EMSY: variants seen among roughly 807,000 people sequenced by gnomAD.
EMSY encodes EMSY transcriptional repressor, BRCA2 interacting, also known as BRCA2-interacting transcriptional repressor EMSY.
In EMSY, 26 loss-of-function variants were observed where a neutral mutation model predicts 134.6. The observed-to-expected ratio is 0.19, with a 90% CI of 0.14 to 0.27. The LOEUF (loss-of-function observed/expected upper bound fraction) is 0.27, where lower values mean the gene tolerates loss of function less well. Among genes scored for constraint, EMSY ranks in the 10% least tolerant of loss-of-function variants. EMSY has a pLI of 1.00. For synonymous variants in EMSY, 579 were observed against 577.8 expected (o/e 1.00, Z -0.03); for missense variants, 1,305 against 1,611.4 (o/e 0.81, Z 3.26).
chr11:76,493,542 A>AT (rs1372417385), intron 8 of EMSY, among the ~76,000 whole-genome samples: 2 of 152,070 alleles, frequency 1.3e-5, no homozygotes, highest in Non-Finnish European at 2.9e-5. Context: ...ACCAATTAGC[A>AT]TGCACTTTCT....
intron 10 of EMSY, among the ~76,000 whole-genome samples, chr11:76,514,504 C>G (rs1478114523): frequency 2.6e-5 from 4 of 152,130 alleles, no homozygotes; most frequent in African/African-American, 9.6e-5. Context: ...GCAACTTCCC[C>G]AAGGTCATGT....
At chr11:76,476,209 A>G (rs1479806891) in intron 8 of EMSY, among the ~76,000 whole-genome samples, 4 of 152,218 alleles carry the variant, frequency 2.6e-5, no homozygotes, top group Non-Finnish European at 5.9e-5. Flanking sequence ...TGAACATTTT[A>G]TAAGTGGTGG....
Position 76,523,704 on chromosome 11 carries a change from C to CTTTTTTTTTTTTTTTTTTT in EMSY, c.1821+416_1821+434dup, listed in dbSNP as rs746491659. Among the ~76,000 whole-genome samples, 49 of 80,536 alleles carry CTTTTTTTTTTTTTTTTTTT rather than the reference C, an allele frequency of 6.1e-4. 4 individuals carry two copies. The highest frequency in any genetic ancestry group is 2.4e-3 in the African/African-American group (47 of 19,390). 52.8% of individuals were successfully genotyped at this position (80,536 alleles called of 152,430 possible). A position where few individuals can be genotyped will look rare whatever the true frequency, so the allele number is the denominator to read the frequency against. On this transcript the variant is annotated intron_variant, in intron 12 of 20. Coordinates refer to ENST00000334736, the Ensembl canonical transcript of EMSY. ...TTAATTGATGGGGATTTGTTACTTT[C>CTTTTTTTTTTTTTTTTTTT]TTTTTTTTTTTTTTTTTTTTTCATT...
At chr11:76,512,988 G>A (rs1950330663) in intron 9 of EMSY, among the ~76,000 whole-genome samples, 1 of 152,130 alleles carries the variant, frequency 6.6e-6, no homozygotes, top group Non-Finnish European at 1.5e-5. Context: ...TTTTGGCGAA[G>A]TTGGGGATAC....
intron 8 of EMSY, among the ~76,000 whole-genome samples, chr11:76,494,367 C>T (rs1277897592): frequency 2.6e-5 from 4 of 152,214 alleles, no homozygotes. Flanking sequence ...TGATTATCTT[C>T]ATTTAATATA....
intron 16 of EMSY, among the ~76,000 whole-genome samples, chr11:76,538,457 C>T (rs1417764077): frequency 1.3e-5 from 2 of 152,034 alleles, no homozygotes; most frequent in African/African-American, 4.8e-5. Flanking sequence ...GATGGGATTT[C>T]GCCATGTTGC....
intron 17 of EMSY, among the ~76,000 whole-genome samples, chr11:76,540,222 A>G (rs1241841276): frequency 6.6e-6 from 1 of 152,192 alleles, no homozygotes; most frequent in Admixed American, 6.5e-5. Flanking sequence ...ATATAATTTG[A>G]TAATTTCATC....
chr11:76,463,043 C>T (rs534855871), intron 6 of EMSY, among the ~76,000 whole-genome samples: 6 of 152,074 alleles, frequency 3.9e-5, no homozygotes, highest in South Asian at 2.1e-4. Context: ...AGGCCAGGCA[C>T]GGTGGCTCAC....
intron 9 of EMSY, among the ~76,000 whole-genome samples, chr11:76,500,460 A>G (rs1239684512): frequency 1.3e-5 from 2 of 152,226 alleles, no homozygotes; most frequent in African/African-American, 4.8e-5. Context: ...TAATGAACAT[A>G]TAGTCTAGAC....
intron 14 of EMSY, 119 bp downstream of exon 15, chr11:76,528,585 C>CT (rs1202039448): frequency 0.1 from 43,652 of 418,094 alleles, 985 homozygotes; most frequent in African/African-American, 0.22. Flanking sequence ...AATTCTTTTC[C>CT]TTTTTTTTTT....
At chr11:76,449,395 C>G (rs1460238014) in intron 2 of EMSY, among the ~76,000 whole-genome samples, 2 of 152,154 alleles carry the variant, frequency 1.3e-5, no homozygotes, top group Non-Finnish European at 2.9e-5. Flanking sequence ...GTTGCCATCT[C>G]TTGATTTTGT....
chr11:76,537,948 C>T lies in EMSY; in HGVS notation c.2513C>T (p.Thr838Ile), dbSNP rs781100625. 1.2e-6 allele frequency: 2 copies of T among 1,606,174 alleles called. 1 individual carries two copies. Among genetic ancestry groups the T allele is most frequent in the South Asian group, 2.2e-5 (2 of 89,260 alleles). The change falls in exon 16 of 21, where the codon ACT becomes ATT. Residue 838 changes from threonine (T) to isoleucine (I), a missense_variant and splice_region_variant. Transcript: ENST00000334736. ...GAACTAGTAGCTGAATACATCACTACTGGTAGGTGTCCTCTTAAAATGTAG... is the reference window on the plus strand; with the variant it reads ...GAACTAGTAGCTGAATACATCACTATTGGTAGGTGTCCTCTTAAAATGTAG...
intron 8 of EMSY, among the ~76,000 whole-genome samples, chr11:76,491,170 CTTT>C (rs961186067): frequency 1.5e-5 from 2 of 134,984 alleles, no homozygotes; most frequent in African/African-American, 5.4e-5. Context: ...ATTTCTTCTT[CTTT>C]TTTCTTTTTT....
intron 17 of EMSY, among the ~76,000 whole-genome samples, chr11:76,540,101 A>T (rs2136643657): frequency 6.6e-6 from 1 of 152,284 alleles, no homozygotes; most frequent in Non-Finnish European, 1.5e-5. Flanking sequence ...GTTGAAGGAG[A>T]ATTATTTTTA....
intron 18 of EMSY, among the ~76,000 whole-genome samples, 185 bp downstream of exon 19, chr11:76,542,552 T>G (rs1951478515): frequency 1.3e-5 from 2 of 152,198 alleles, no homozygotes. Context: ...TCTGAAACAG[T>G]ATTCTTAAAT....
At chr11:76,534,195 T>C (rs1459535188) in intron 14 of EMSY, among the ~76,000 whole-genome samples, 1 of 152,184 alleles carries the variant, frequency 6.6e-6, no homozygotes, top group Non-Finnish European at 1.5e-5. Flanking sequence ...CAGTGTGTCT[T>C]GTAGGGTTGG....
intron 14 of EMSY, among the ~76,000 whole-genome samples, chr11:76,531,936 C>G (rs1349635823): frequency 6.6e-6 from 1 of 152,130 alleles, no homozygotes; most frequent in Non-Finnish European, 1.5e-5. Flanking sequence ...CTGTCCTCCA[C>G]CCCCAAGGAA....
At chr11:76,496,326 C>G in exon 9 of EMSY, 4 of 1,614,192 alleles carry the variant, frequency 2.5e-6, no homozygotes, top group Non-Finnish European at 3.4e-6. Flanking sequence ...CATCAACAGT[C>G]TCCTAAGCAG....
intron 2 of EMSY, among the ~76,000 whole-genome samples, chr11:76,448,515 A>T (rs1947515354): frequency 6.6e-6 from 1 of 152,082 alleles, no homozygotes; most frequent in Admixed American, 6.5e-5. Flanking sequence ...GGGGCCTTTG[A>T]ATTGAGAGAT....
Sources: gnomAD v4.1 joint callset for allele counts (sites outside exome capture counted in the v4.1 genomes callset) on GRCh38, gnomAD v4.1.1 for gene constraint, MANE v1.5 for transcripts, NCBI Gene and HGNC (gene_info 2026-07-23, HGNC 2026-07-21) for gene names.